SHROOM3: variants seen among roughly 807,000 people sequenced by gnomAD.
SHROOM3 encodes protein Shroom3.
Under a neutral mutation model 138.6 loss-of-function variants are expected in SHROOM3, and 47 were observed. The observed-to-expected ratio is 0.34, with a 90% CI of 0.27 to 0.43. SHROOM3 has a LOEUF of 0.43. SHROOM3 is among the 20% of genes least tolerant of loss of function. The pLI, the probability that SHROOM3 is intolerant of heterozygous loss-of-function variation, is 1.00. For missense variants in SHROOM3, 2,491 were observed against 2,596.5 expected (o/e 0.96, Z 0.88); for synonymous variants, 1,062 against 1,063.3 (o/e 1.00, Z 0.02).
At chr4:76,775,147 C>T (rs755748504) in intron 10 of SHROOM3, among the ~76,000 whole-genome samples, 1 of 152,112 alleles carries the variant, frequency 6.6e-6, no homozygotes, top group East Asian at 1.9e-4. Flanking sequence ...CCTTTGTATC[C>T]TTCTTATGCC....
chr4:76,518,610 TGAATGATTTCAAA>T (rs1176928672), intron 1 of SHROOM3, among the ~76,000 whole-genome samples: 2 of 151,414 alleles, frequency 1.3e-5, no homozygotes, highest in Non-Finnish European at 2.9e-5. Context: ...TTAAATAATC[TGAATGATTTCAAA>T]GAATCAAAAA....
chr4:76,444,484 C>CTTTTTTTTT (rs61655085), intron 1 of SHROOM3, among the ~76,000 whole-genome samples: 4 of 60,150 alleles, frequency 6.7e-5, no homozygotes, highest in Non-Finnish European at 8.8e-5. Context: ...CTCTTTCTTT[C>CTTTTTTTTT]TTTTTTTTTT....
intron 1 of SHROOM3, among the ~76,000 whole-genome samples, chr4:76,479,332 T>C (rs1731554805): frequency 6.6e-6 from 1 of 151,770 alleles, no homozygotes. Context: ...TTGTGAAGCA[T>C]ATACACAAGT....
At chr4:76,768,921 A>G in intron 9 of SHROOM3, among the ~76,000 whole-genome samples, 1 of 152,194 alleles carries the variant, frequency 6.6e-6, no homozygotes, top group Non-Finnish European at 1.5e-5. Context: ...GGACATTATG[A>G]ACCTCACTCA....
chr4:76,583,980 T>G (rs1026379093), intron 2 of SHROOM3, among the ~76,000 whole-genome samples: 3 of 152,238 alleles, frequency 2.0e-5, no homozygotes, highest in African/African-American at 4.8e-5. Flanking sequence ...GGACAGGTTA[T>G]TTAATTGCTT....
chr4:76,678,218 A>T (rs918567970), intron 2 of SHROOM3, among the ~76,000 whole-genome samples: 19 of 152,148 alleles, frequency 1.2e-4, no homozygotes, highest in African/African-American at 4.6e-4. Context: ...CTAATGGAAA[A>T]TTTTTCTTTT....
chr4:76,751,023 G>T (rs1364171314), intron 6 of SHROOM3, among the ~76,000 whole-genome samples: 1 of 152,182 alleles, frequency 6.6e-6, no homozygotes, highest in Non-Finnish European at 1.5e-5. Flanking sequence ...CATAGGCATG[G>T]AAAGTGCAGC....
At chr4:76,692,906 C>T (rs1382763409) in intron 2 of SHROOM3, among the ~76,000 whole-genome samples, 2 of 152,138 alleles carry the variant, frequency 1.3e-5, no homozygotes, top group East Asian at 1.9e-4. Context: ...TTTTGTTTTT[C>T]GTGATGGTTT....
chr4:76,634,516 T>G (rs1735435674), intron 2 of SHROOM3, among the ~76,000 whole-genome samples: 1 of 152,186 alleles, frequency 6.6e-6, no homozygotes, highest in Non-Finnish European at 1.5e-5. Context: ...ACTTTCAACG[T>G]TTCCCAATGT....
rs1220438691 is a variant in SHROOM3, at chr4:76,754,647, A to G, written c.4164A>G (p.Arg1388=). The change falls in exon 7 of 11, where the codon AGA becomes AGG. Residue 1388 remains arginine, a synonymous_variant. Transcript: ENST00000296043. The stretch of plus-strand genomic sequence containing the variant: ...CCTACACCCCTGCCATGATGCACAG[A>G]AGCAATGGTCACACCCTGACCCAGC... ...LPPYTPAMMH[R]SNGHTLTQPP... The G allele has an allele frequency of 6.2e-7, 1 of 1,614,020 alleles. No individual in the cohort carries two copies. Among genetic ancestry groups the G allele is most frequent in the African/African-American group, 1.3e-5 (1 of 74,900 alleles).
In SHROOM3 at chr4:76,754,362, C is replaced by G; in HGVS notation, c.3879C>G (p.His1293Gln). The G allele has an allele frequency of 3.1e-6, 5 of 1,614,186 alleles. No homozygotes were observed. The highest frequency in any genetic ancestry group is 4.2e-6 in the Non-Finnish European group (5 of 1,180,030). The change falls in exon 7 of 11, where the codon CAC (histidine) becomes CAG (glutamine). Residue 1293 changes from histidine to glutamine, a missense_variant. Transcript: ENST00000296043. ...AAGAAGAGATGCTGCCGCTCTTCCA[C>G]CATCTCACCCCTCGTTGGGGTGGTT... ...RGQEEMLPLF[H>Q]HLTPRWGGSG...
chr4:76,492,483 T>G (rs1354705376), intron 1 of SHROOM3, among the ~76,000 whole-genome samples: 1 of 152,258 alleles, frequency 6.6e-6, no homozygotes, highest in Non-Finnish European at 1.5e-5. Flanking sequence ...CATTTTATCC[T>G]TTTTAAGTTT....
intron 1 of SHROOM3, among the ~76,000 whole-genome samples, chr4:76,524,238 T>G (rs935470082): frequency 6.6e-6 from 1 of 152,050 alleles, no homozygotes; most frequent in East Asian, 1.9e-4. Flanking sequence ...GCAGAGATGA[T>G]GAAGGAAGCA....
At chr4:76,581,868 A>G (rs1734059832) in intron 2 of SHROOM3, among the ~76,000 whole-genome samples, 1 of 152,218 alleles carries the variant, frequency 6.6e-6, no homozygotes, top group Non-Finnish European at 1.5e-5. Flanking sequence ...TGTCTAACAC[A>G]TCATCATCAT....
intron 1 of SHROOM3, among the ~76,000 whole-genome samples, chr4:76,531,461 T>C (rs1732826888): frequency 6.6e-6 from 1 of 152,128 alleles, no homozygotes; most frequent in Non-Finnish European, 1.5e-5. Context: ...GAGCTTTCCA[T>C]CTAGTGCACC....
intron 2 of SHROOM3, among the ~76,000 whole-genome samples, chr4:76,598,077 G>A (rs554956565): frequency 2.7e-5 from 4 of 150,902 alleles, no homozygotes; most frequent in African/African-American, 9.8e-5. Flanking sequence ...CCAGGCTGGG[G>A]TGCAGTGGCA....
At chr4:76,764,776 C>T (rs1309609046) in intron 9 of SHROOM3, among the ~76,000 whole-genome samples, 1 of 152,130 alleles carries the variant, frequency 6.6e-6, no homozygotes, top group Non-Finnish European at 1.5e-5. Context: ...CACTCTCTTT[C>T]GTCTTTAGCA....
chr4:76,442,735 CTAG>C (rs976885847), intron 1 of SHROOM3, among the ~76,000 whole-genome samples: 10 of 152,016 alleles, frequency 6.6e-5, no homozygotes, highest in African/African-American at 2.2e-4. Context: ...TCTATGAATC[CTAG>C]CTCCCCTGTT....
chr4:76,598,111 C>T (rs1004055132), intron 2 of SHROOM3, among the ~76,000 whole-genome samples: 53 of 151,714 alleles, frequency 3.5e-4, no homozygotes, highest in Admixed American at 3.0e-3. Flanking sequence ...CTGCAAGCTC[C>T]GCCTCCTGGG....
Sources: allele counts gnomAD v4.1 joint callset (sites outside exome capture counted in the v4.1 genomes callset), GRCh38; gene constraint gnomAD v4.1.1; transcripts MANE v1.5; gene names NCBI Gene and HGNC (gene_info 2026-07-23, HGNC 2026-07-21).